Variants in MSI2 observed in about 807,000 individuals in gnomAD.
MSI2 encodes RNA-binding protein Musashi homolog 2.
A neutral mutation model predicts 45.6 loss-of-function variants in MSI2; 17 were observed. The observed-to-expected ratio is 0.37, with a 90% confidence interval of 0.26 to 0.56. MSI2 has a LOEUF of 0.56. Among genes scored for constraint, MSI2 ranks in the 20% least tolerant of loss-of-function variants. MSI2 has a pLI of 0.77. For synonymous variants in MSI2, 156 were observed against 158.2 expected (o/e 0.99, Z 0.11); for missense variants, 293 against 444.2 (o/e 0.66, Z 3.06).
At chr17:57,620,920 A>C (rs1187378038) in intron 9 of MSI2, among the ~76,000 whole-genome samples, 2 of 152,340 alleles carry the variant, frequency 1.3e-5, no homozygotes, top group East Asian at 3.9e-4. Flanking sequence ...CAGCCATCAC[A>C]GAGCCTCCTC....
chr17:57,438,204 G>A (rs555743850), intron 6 of MSI2, among the ~76,000 whole-genome samples: 1 of 152,152 alleles, frequency 6.6e-6, no homozygotes, highest in Non-Finnish European at 1.5e-5. Context: ...AGAGGAGTAG[G>A]GTGTGCGGAA....
intron 7 of MSI2, among the ~76,000 whole-genome samples, chr17:57,535,933 C>G (rs1038383156): frequency 6.6e-6 from 1 of 152,196 alleles, no homozygotes; most frequent in African/African-American, 2.4e-5. Context: ...GAAGATAATG[C>G]TTTTCTAAGG....
At chr17:57,514,220 T>TCTG (rs2143961594) in intron 6 of MSI2, among the ~76,000 whole-genome samples, 1 of 152,156 alleles carries the variant, frequency 6.6e-6, no homozygotes, top group African/African-American at 2.4e-5. Context: ...GATTTTTTTT[T>TCTG]CTGCTTCAGA....
chr17:57,453,599 G>A (rs548620489), intron 6 of MSI2, among the ~76,000 whole-genome samples: 31 of 152,216 alleles, frequency 2.0e-4, no homozygotes, highest in Non-Finnish European at 2.8e-4. Context: ...GCAGACACAA[G>A]CATTTGCCTG....
At chr17:57,525,971 A>G (rs1050543345) in intron 6 of MSI2, among the ~76,000 whole-genome samples, 2 of 152,196 alleles carry the variant, frequency 1.3e-5, no homozygotes, top group African/African-American at 4.8e-5. Context: ...TCACACCTGT[A>G]ATCCCAGCAC....
chr17:57,497,578 A>G (rs2086006170), intron 6 of MSI2, among the ~76,000 whole-genome samples: 1 of 152,214 alleles, frequency 6.6e-6, no homozygotes, highest in African/African-American at 2.4e-5. Flanking sequence ...ACGTCTCTCT[A>G]TGTCTGAAGG....
chr17:57,261,675 C>T (rs763607470), intron 4 of MSI2, among the ~76,000 whole-genome samples: 1 of 152,104 alleles, frequency 6.6e-6, no homozygotes, highest in Non-Finnish European at 1.5e-5. Context: ...CCTTTCCCTC[C>T]TGTGTTGTTT....
At chr17:57,510,821 T>C (rs1161644652) in intron 6 of MSI2, among the ~76,000 whole-genome samples, 1 of 152,210 alleles carries the variant, frequency 6.6e-6, no homozygotes, top group Non-Finnish European at 1.5e-5. Flanking sequence ...GAAAATAGGC[T>C]TATGGCACAT....
chr17:57,344,595 T>G (rs1411389964), intron 5 of MSI2, among the ~76,000 whole-genome samples: 1 of 152,120 alleles, frequency 6.6e-6, no homozygotes, highest in Non-Finnish European at 1.5e-5. Flanking sequence ...GTTACTGGAG[T>G]GTCTTCGTCT....
chr17:57,258,217 T>C (rs1598035312), intron 3 of MSI2, 53 bp from the exon 4 acceptor site: 1 of 1,546,428 alleles, frequency 6.5e-7, no homozygotes, highest in East Asian at 2.2e-5. Context: ...CTGGTTGCTT[T>C]CAATGGTGTC....
At chr17:57,619,597 G>T (rs960804072) in intron 9 of MSI2, among the ~76,000 whole-genome samples, 1 of 152,192 alleles carries the variant, frequency 6.6e-6, no homozygotes, top group African/African-American at 2.4e-5. Context: ...GCCTGGCCAC[G>T]TGTGTGTGGG....
At chr17:57,582,287 T>G (rs1351546642) in intron 7 of MSI2, among the ~76,000 whole-genome samples, 1 of 152,176 alleles carries the variant, frequency 6.6e-6, no homozygotes, top group East Asian at 1.9e-4. Context: ...AAAAAAAAAT[T>G]AGCATGCCGC....
chr17:57,338,625 G>C (rs535093613), intron 5 of MSI2, among the ~76,000 whole-genome samples: 1 of 152,144 alleles, frequency 6.6e-6, no homozygotes, highest in Non-Finnish European at 1.5e-5. Context: ...CTGGAGGAGC[G>C]GGCTGGTGTT....
chr17:57,330,397 GCC>G (rs112950539), intron 5 of MSI2, among the ~76,000 whole-genome samples: 4 of 150,878 alleles, frequency 2.7e-5, no homozygotes, highest in African/African-American at 9.8e-5. Context: ...CGATTCTCCT[GCC>G]TCAGCCTCCC....
chr17:57,512,700 C>T (rs1453191865), intron 6 of MSI2, among the ~76,000 whole-genome samples: 2 of 152,158 alleles, frequency 1.3e-5, no homozygotes, highest in Non-Finnish European at 2.9e-5. Context: ...CGGCTGCCTC[C>T]CATGTGGGCA....
intron 8 of MSI2, among the ~76,000 whole-genome samples, chr17:57,607,297 A>G (rs1567932454): frequency 6.6e-6 from 1 of 152,214 alleles, no homozygotes; most frequent in Non-Finnish European, 1.5e-5. Flanking sequence ...CAGGTCTCTC[A>G]ATGCCTTTTG....
intron 7 of MSI2, among the ~76,000 whole-genome samples, chr17:57,571,930 C>T: frequency 6.6e-6 from 1 of 152,176 alleles, no homozygotes; most frequent in Admixed American, 6.5e-5. Flanking sequence ...TCCCTCATGT[C>T]CTCTCAATCC....
chr17:57,463,163 C>A (rs1455187360), intron 6 of MSI2, among the ~76,000 whole-genome samples: 1 of 152,210 alleles, frequency 6.6e-6, no homozygotes, highest in Non-Finnish European at 1.5e-5. Context: ...GGACCCCGGC[C>A]TGCTCAGTTT....
intron 6 of MSI2, among the ~76,000 whole-genome samples, chr17:57,405,541 A>C (rs1476819887): frequency 6.6e-6 from 1 of 152,224 alleles, no homozygotes; most frequent in Non-Finnish European, 1.5e-5. Context: ...ATACGTTGTC[A>C]GTAGTAATAA....
Sources: allele counts gnomAD v4.1 joint callset (sites outside exome capture counted in the v4.1 genomes callset), GRCh38; gene constraint gnomAD v4.1.1; transcripts MANE v1.5; gene names NCBI Gene and HGNC (gene_info 2026-07-23, HGNC 2026-07-21).